LRRN4CL: variants seen among roughly 807,000 people sequenced by gnomAD.
LRRN4CL encodes the protein LRRN4 C-terminal-like protein.
For synonymous variants in LRRN4CL, 156 were observed against 154.1 expected (o/e 1.01, Z -0.09); for missense variants, 348 against 336.4 (o/e 1.03, Z -0.27).
rs1238247862 is a variant in LRRN4CL, at chr11:62,688,365, G to T, written c.144C>A (p.Cys48Ter). The T allele has an allele frequency of 1.2e-6, 2 of 1,606,940 alleles. No homozygotes were observed. The highest frequency in any genetic ancestry group is 1.7e-6 in the Non-Finnish European group (2 of 1,180,006). Residue 48 changes from cysteine (C) to a stop codon, truncating the protein, a stop_gained, in exon 2 of 2, where the codon TGC becomes TGA. Transcript: ENST00000317449. LOFTEE classifies it low-confidence loss of function (END_TRUNC). The stretch of plus-strand genomic sequence containing the variant: ...GCAGGTGTCGGCAGTGGTCGTAGTC[G>T]CAGGGGACAGCCGGCAAAGGCGGCC... Reference protein sequence around the residue: ...TAWPPLPAVPCDYDHCRHLQV... With the variant: ...TAWPPLPAVP
chr11:62,687,774 G>A lies in LRRN4CL; in HGVS notation c.*18C>T, dbSNP rs770557684. 2.3e-5 allele frequency: 31 copies of A among 1,369,326 alleles called. No individual in the cohort carries two copies. The highest frequency in any genetic ancestry group is 2.8e-5 in the Non-Finnish European group (30 of 1,069,152). 84.8% of individuals were successfully genotyped at this position (1,369,326 alleles called of 1,614,324 possible). On this transcript the variant is annotated 3_prime_UTR_variant, in exon 2 of 2. Coordinates refer to ENST00000317449, the MANE Select transcript of LRRN4CL (RefSeq NM_203422.4). ...CCCAGGTGGGGCTGTCTGTGCCCGAGATGCCCCCAGGCCCCTTTCAGAGCG... is the reference window on the plus strand; with the variant it reads ...CCCAGGTGGGGCTGTCTGTGCCCGAAATGCCCCCAGGCCCCTTTCAGAGCG...
In LRRN4CL at chr11:62,688,180, G is replaced by A. The variant is rs778553319; in HGVS notation, c.329C>T (p.Pro110Leu). The A allele has an allele frequency of 5.0e-5, 80 of 1,612,246 alleles. No individual in the cohort carries two copies. In the Admixed American group the frequency reaches 1.3e-3, roughly 26 times the overall value. ...AVVHWCAPFSPVLHYWLLLWD... is the reference protein window; with the variant it reads ...AVVHWCAPFSLVLHYWLLLWD... Reference sequence around the variant, plus strand: ...AAGCAGCAGCCAGTAGTGGAGGACCGGGGAGAAGGGGGCACACCAGTGGAC... The same window carrying A: ...AAGCAGCAGCCAGTAGTGGAGGACCAGGGAGAAGGGGGCACACCAGTGGAC... The change falls in exon 2 of 2, where the codon CCG (proline) becomes CTG (leucine). Residue 110 changes from proline (P) to leucine (L), a missense_variant. Physicochemically the swap from Pro to Leu is moderately conservative, Grantham distance 98. Transcript: ENST00000317449.
chr11:62,688,610 T>A lies in LRRN4CL; in HGVS notation c.-5-97A>T, dbSNP rs1045264446. On this transcript the variant is annotated intron_variant, in intron 1 of 1. Transcript: ENST00000317449. The stretch of plus-strand genomic sequence containing the variant: ...ATCTCTGGAGACAGGAAAATGCAAC[T>A]GGGGATCAGAAGAGGAAAGAAGTTG... 7.4e-6 allele frequency: 7 copies of A among 943,016 alleles called. No homozygotes were observed. In the African/African-American group the frequency reaches 1.0e-4, roughly 13 times the overall value. The allele number at this position is 943,016 out of a possible 1,614,324, so 58.4% of individuals were successfully genotyped here.
Position 62,687,945 on chromosome 11 carries a change from C to G in LRRN4CL, c.564G>C (p.Val188=). The change falls in exon 2 of 2, where the codon GTG becomes GTC. Residue 188 remains valine (V), a synonymous_variant. Transcript: ENST00000317449. ...GGACCAGAGTGCGGGGGTTGGGCGG[C>G]ACCGCAAGGCGGCTGCAAGGCCCGA... ...PAFGPCSRLA[V]PPNPRTLVHA... is the part of the protein sequence containing the mutation. 1 of 1,572,342 alleles carries G rather than the reference C, an allele frequency of 6.4e-7. No homozygotes were observed. Among genetic ancestry groups the G allele is most frequent in the Non-Finnish European group, 8.6e-7 (1 of 1,160,200 alleles).
rs1945222450 is a variant in LRRN4CL at position 62,688,203 on chromosome 11, G to T, written c.306C>A (p.Val102=). Residue 102 remains valine (V), a synonymous_variant, in exon 2 of 2, where the codon GTC becomes GTA. Coordinates refer to ENST00000317449, the MANE Select transcript of LRRN4CL (RefSeq NM_203422.4). ...CCGGGGAGAAGGGGGCACACCAGTG[G>T]ACCACTGCGCGGCCCTCTTCGGCCG... is the stretch of plus-strand genomic sequence containing the variant. ...RIAAEEGRAV[V]HWCAPFSPVL... The T allele has an allele frequency of 6.2e-7, 1 of 1,612,158 alleles. No homozygotes were observed.
In LRRN4CL at chr11:62,687,789, C is replaced by CT; in HGVS notation, c.*2dup. ...CTGTGCCCGAGATGCCCCCAGGCCC[C>CT]TTTCAGAGCGCCCCTGCGGCTCGGG... On this transcript the variant is annotated 3_prime_UTR_variant, in exon 2 of 2. Transcript: ENST00000317449. The CT allele has an allele frequency of 7.2e-7, 1 of 1,392,622 alleles. No individual in the cohort carries two copies. 86.3% of individuals were successfully genotyped at this position (1,392,622 alleles called of 1,614,324 possible).
At chr11:62,688,535 G>C in intron 1 of LRRN4CL, 22 bp from the exon 2 acceptor site, 1 of 1,554,396 alleles carries the variant, frequency 6.4e-7, no homozygotes, top group Middle Eastern at 1.7e-4. Context: ...GGGGTGGATA[G>C]ATAAAGCCTG....
chr11:62,687,565 T>C lies in LRRN4CL; in HGVS notation c.*227A>G, dbSNP rs1303932857. The C allele has an allele frequency of 2.5e-6, 1 of 407,926 alleles. No individual in the cohort carries two copies. The highest frequency in any genetic ancestry group is 4.3e-6 in the Non-Finnish European group (1 of 235,248). The allele number at this position is 407,926 out of a possible 1,614,324, so 25.3% of individuals were successfully genotyped here. A position where few individuals can be genotyped will look rare whatever the true frequency, so the allele number is the denominator to read the frequency against. On this transcript the variant is annotated 3_prime_UTR_variant, in exon 2 of 2. Coordinates refer to ENST00000317449, the MANE Select transcript of LRRN4CL (RefSeq NM_203422.4). ...CGCTTAAAAAAAAATTGGGGGCCCC[T>C]TTCTATTCCTTCCCAGACCTCAGCC... is the stretch of plus-strand genomic sequence containing the variant.
rs1432658324 is a variant in LRRN4CL at position 62,687,950 on chromosome 11, C to T, written c.559G>A (p.Ala187Thr). ...AGAGTGCGGGGGTTGGGCGGCACCGCAAGGCGGCTGCAAGGCCCGAAGGCA... is the reference window on the plus strand; with the variant it reads ...AGAGTGCGGGGGTTGGGCGGCACCGTAAGGCGGCTGCAAGGCCCGAAGGCA... Reference protein sequence around the residue: ...IPAFGPCSRLAVPPNPRTLVH... With the variant: ...IPAFGPCSRLTVPPNPRTLVH... Residue 187 changes from alanine to threonine, a missense_variant, in exon 2 of 2, where the codon GCG (alanine) becomes ACG (threonine). Transcript: ENST00000317449. 4.4e-6 allele frequency: 7 copies of T among 1,582,188 alleles called. No individual in the cohort carries two copies. The highest frequency in any genetic ancestry group is 6.0e-6 in the Non-Finnish European group (7 of 1,165,036).
At position 62,687,603 on chromosome 11, in the gene LRRN4CL, G is replaced by A. The variant is rs948530065; in HGVS notation, c.*189C>T. The A allele has an allele frequency of 1.0e-4, 46 of 444,720 alleles. No individual in the cohort carries two copies. The highest frequency in any genetic ancestry group is 4.3e-5 in the Admixed American group (1 of 23,018). The allele number at this position is 444,720 out of a possible 1,614,324, so 27.5% of individuals were successfully genotyped here. On this transcript the variant is annotated 3_prime_UTR_variant, in exon 2 of 2. Transcript: ENST00000317449. ...CCAGACCTCAGCCAGGAAACAAAGC[G>A]CCAAGTACCGGACCTAAACAAGCGC...
rs1945215880 is a variant in LRRN4CL at position 62,687,887 on chromosome 11, G to C, written c.622C>G (p.Leu208Val). The C allele has an allele frequency of 6.8e-7, 1 of 1,472,388 alleles. No individual in the cohort carries two copies. The highest frequency in any genetic ancestry group is 9.0e-7 in the Non-Finnish European group (1 of 1,114,854). The allele number at this position is 1,472,388 out of a possible 1,614,324, so 91.2% of individuals were successfully genotyped here. ...CACACCAGGGCGGCACAGCTTAGCA[G>C]GGCCAGGGCCGTGCCCACCCCGACG... is the stretch of plus-strand genomic sequence containing the variant. ...AAVGVGTALA[L>V]LSCAALVWHF... Residue 208 changes from leucine (L) to valine (V), a missense_variant, in exon 2 of 2, where the codon CTG becomes GTG. Transcript: ENST00000317449.
In LRRN4CL at chr11:62,688,335, C is replaced by A; in HGVS notation, c.174G>T (p.Val58=). The A allele has an allele frequency of 6.2e-7, 1 of 1,609,356 alleles. No individual in the cohort carries two copies. Among genetic ancestry groups the A allele is most frequent in the South Asian group, 1.1e-5 (1 of 91,074 alleles). ...CGACCCTCTGTAGCTCCTTGCAGGG[C>A]ACCTGCAGGTGTCGGCAGTGGTCGT... ...CDYDHCRHLQ[V]PCKELQRVGP... is the part of the protein sequence containing the mutation. The change falls in exon 2 of 2, where the codon GTG becomes GTT. Residue 58 remains valine, a synonymous_variant. Transcript: ENST00000317449.
chr11:62,688,190 G>A lies in LRRN4CL; in HGVS notation c.319C>T (p.Pro107Ser). The change falls in exon 2 of 2, where the codon CCC (proline) becomes TCC (serine). Residue 107 changes from proline (P) to serine (S), a missense_variant. Coordinates refer to ENST00000317449, the MANE Select transcript of LRRN4CL (RefSeq NM_203422.4). ...EGRAVVHWCA[P>S]FSPVLHYWLL... ...CAGTAGTGGAGGACCGGGGAGAAGG[G>A]GGCACACCAGTGGACCACTGCGCGG... 1.2e-6 allele frequency: 2 copies of A among 1,612,406 alleles called. No individual in the cohort carries two copies. The highest frequency in any genetic ancestry group is 1.3e-5 in the African/African-American group (1 of 75,060).
chr11:62,688,273 G>GGGCTGGAGAGTCCTGGGCAC lies in LRRN4CL; in HGVS notation c.216_235dup (p.Pro79ArgfsTer60). On this transcript the variant is annotated frameshift_variant, in exon 2 of 2. Transcript: ENST00000317449. LOFTEE classifies it low-confidence loss of function (END_TRUNC). The stretch of plus-strand genomic sequence containing the variant: ...GCGCGGCGGGTCGGGCGGCTGGGCG[G>GGGCTGGAGAGTCCTGGGCAC]GGCTGGAGAGTCCTGGGCACAGGCA... The GGGCTGGAGAGTCCTGGGCAC allele has an allele frequency of 6.2e-7, 1 of 1,609,644 alleles. No individual in the cohort carries two copies. Among genetic ancestry groups the GGGCTGGAGAGTCCTGGGCAC allele is most frequent in the Non-Finnish European group, 8.5e-7 (1 of 1,178,880 alleles).
intron 1 of LRRN4CL, among the ~76,000 whole-genome samples, chr11:62,689,087 C>T (rs1839697209): frequency 1.3e-5 from 2 of 152,060 alleles, no homozygotes; most frequent in African/African-American, 4.8e-5. Flanking sequence ...CCTGTGGTCC[C>T]TGCTACTCAG....
rs1452120871 is a variant in LRRN4CL at position 62,687,853 on chromosome 11, C to A, written c.656G>T (p.Cys219Phe). The change falls in exon 2 of 2, where the codon TGC becomes TTC. Residue 219 changes from cysteine to phenylalanine, a missense_variant. Coordinates refer to ENST00000317449, the MANE Select transcript of LRRN4CL (RefSeq NM_203422.4). ...CGGGCAGCCCCAGCGATCGCGCAGG[C>A]AGAAGTGCCACACCAGGGCGGCACA... ...LSCAALVWHFCLRDRWGCPRR... is the reference protein window; with the variant it reads ...LSCAALVWHFFLRDRWGCPRR... The A allele has an allele frequency of 1.4e-6, 2 of 1,419,576 alleles. No individual in the cohort carries two copies. Among genetic ancestry groups the A allele is most frequent in the Non-Finnish European group, 1.8e-6 (2 of 1,096,308 alleles). 87.9% of individuals were successfully genotyped at this position (1,419,576 alleles called of 1,614,324 possible).
At position 62,687,452 on chromosome 11, in the gene LRRN4CL, G is replaced by T. The variant is rs1945208164; in HGVS notation, c.*340C>A. On this transcript the variant is annotated 3_prime_UTR_variant, in exon 2 of 2. Coordinates refer to ENST00000317449, the MANE Select transcript of LRRN4CL (RefSeq NM_203422.4). ...TCAGGTCGTTTTTACATTTTTAAAT[G>T]GTTACAAAGGTCATATAAATACCCA... 1.6e-3 allele frequency: 379 copies of T among 230,990 alleles called. No homozygotes were observed. Among genetic ancestry groups the T allele is most frequent in the East Asian group, 2.6e-3 (33 of 12,610 alleles). The allele number at this position is 230,990 out of a possible 1,614,324, so 14.3% of individuals were successfully genotyped here.
In LRRN4CL at chr11:62,688,388, G is replaced by A; in HGVS notation, c.121C>T (p.Pro41Ser). The A allele has an allele frequency of 6.2e-7, 1 of 1,604,838 alleles. No individual in the cohort carries two copies. Among genetic ancestry groups the A allele is most frequent in the South Asian group, 1.1e-5 (1 of 91,090 alleles). ...TCGCAGGGGACAGCCGGCAAAGGCGGCCACGCCGTCTCAGTCTCATCTGCC... is the reference window on the plus strand; with the variant it reads ...TCGCAGGGGACAGCCGGCAAAGGCGACCACGCCGTCTCAGTCTCATCTGCC... ...EEADETETAW[P>S]PLPAVPCDYD... is the part of the protein sequence containing the mutation. Residue 41 changes from proline (P) to serine (S), a missense_variant, in exon 2 of 2, where the codon CCG becomes TCG. Coordinates refer to ENST00000317449, the MANE Select transcript of LRRN4CL (RefSeq NM_203422.4).
rs1254117189 is a variant in LRRN4CL, at chr11:62,686,796, G to C, written c.*996C>G. 1 of 152,232 alleles carries C rather than the reference G, an allele frequency of 6.6e-6. No homozygotes were observed. Among genetic ancestry groups the C allele is most frequent in the African/African-American group, 2.4e-5 (1 of 41,424 alleles). The allele number at this position is 152,232 out of a possible 1,614,324, so 9.4% of individuals were successfully genotyped here. A position where few individuals can be genotyped will look rare whatever the true frequency, so the allele number is the denominator to read the frequency against. Reference sequence around the variant, plus strand: ...CGCCATTCTCCTGCCTCAGCCTCCGGAGTAGCTGGGACTACAGGTACCCAC... The same window carrying C: ...CGCCATTCTCCTGCCTCAGCCTCCGCAGTAGCTGGGACTACAGGTACCCAC... On this transcript the variant is annotated 3_prime_UTR_variant, in exon 2 of 2. Coordinates refer to ENST00000317449, the MANE Select transcript of LRRN4CL (RefSeq NM_203422.4).
Sources: allele counts gnomAD v4.1 joint callset (sites outside exome capture counted in the v4.1 genomes callset), GRCh38; gene constraint gnomAD v4.1.1; transcripts MANE v1.5; gene names NCBI Gene and HGNC (gene_info 2026-07-23, HGNC 2026-07-21).